Variants in TULP3 observed in about 807,000 individuals in gnomAD.
TULP3 encodes the protein TUB like protein 3, also known as tubby-related protein 3.
Under a neutral mutation model 50.7 loss-of-function variants are expected in TULP3, and 38 were observed. That is an observed-to-expected ratio of 0.75 (90% CI 0.58 to 0.98). The LOEUF is 0.98. TULP3 is among the 50% of genes least tolerant of loss of function. The probability of loss-of-function intolerance (pLI) is 0.00; values close to 1 mark genes in which losing one functional copy is unlikely to be tolerated. For missense variants in TULP3, 550 were observed against 568.0 expected (o/e 0.97, Z 0.32); for synonymous variants, 183 against 196.6 (o/e 0.93, Z 0.58).
Position 2,939,219 on chromosome 12 carries a change from A to C in TULP3, c.1196-92A>C. 1.7e-4 allele frequency: 244 copies of C among 1,436,828 alleles called. No homozygotes were observed. Among genetic ancestry groups the C allele is most frequent in the Non-Finnish European group, 2.0e-4 (214 of 1,046,770 alleles). The allele number at this position is 1,436,828 out of a possible 1,614,324, so 89.0% of individuals were successfully genotyped here. On this transcript the variant is annotated intron_variant, in intron 10 of 10. Coordinates refer to ENST00000448120, the MANE Select transcript of TULP3 (RefSeq NM_003324.5). The surrounding 1 kb of genome is among the most constrained non-coding windows in gnomAD (Gnocchi z 4.0). ...AGGCTCCAGCCAGGGCGACAGAGCA[A>C]AACCCCATCTAAGAAAAGGAAGAAA...
intron 1 of TULP3, among the ~76,000 whole-genome samples, chr12:2,909,198 A>G (rs1308527990): frequency 1.3e-5 from 2 of 152,206 alleles, no homozygotes; most frequent in East Asian, 1.9e-4. Context: ...GAATAATACC[A>G]TGTAAAATGC....
intron 1 of TULP3, among the ~76,000 whole-genome samples, chr12:2,903,305 G>A (rs2098180274): frequency 6.6e-6 from 1 of 151,830 alleles, no homozygotes; most frequent in South Asian, 2.1e-4. Context: ...GCTCATGCCT[G>A]TAATCCCAGC....
At chr12:2,935,947 C>G (rs567534138) in intron 8 of TULP3, among the ~76,000 whole-genome samples, 6 of 151,450 alleles carry the variant, frequency 4.0e-5, no homozygotes, top group Non-Finnish European at 8.8e-5. Context: ...CTAGCCTGGG[C>G]GACAGCATGA....
intron 1 of TULP3, among the ~76,000 whole-genome samples, chr12:2,901,304 C>T (rs1054042958): frequency 7.0e-5 from 7 of 100,452 alleles, no homozygotes; most frequent in African/African-American, 1.7e-4. Flanking sequence ...TTCTTTCTTT[C>T]TTTCTTTCTT....
chr12:2,926,205 T>C (rs1422876696), intron 4 of TULP3, among the ~76,000 whole-genome samples: 1 of 152,004 alleles, frequency 6.6e-6, no homozygotes, highest in Non-Finnish European at 1.5e-5. Flanking sequence ...CTGCTACCAA[T>C]AAAAAGGGGG....
At chr12:2,901,677 C>T (rs2098179403) in intron 1 of TULP3, among the ~76,000 whole-genome samples, 1 of 152,154 alleles carries the variant, frequency 6.6e-6, no homozygotes, top group African/African-American at 2.4e-5. Context: ...GCTACCGTGC[C>T]TGGCTCCAAT....
At chr12:2,903,422 C>T (rs1370776877) in intron 1 of TULP3, among the ~76,000 whole-genome samples, 2 of 151,356 alleles carry the variant, frequency 1.3e-5, no homozygotes, top group Non-Finnish European at 2.9e-5. Flanking sequence ...ATTAGCCAGG[C>T]GTGGTGGTGC....
chr12:2,922,032 G>C (rs1481204566), intron 3 of TULP3, among the ~76,000 whole-genome samples: 4 of 152,158 alleles, frequency 2.6e-5, no homozygotes, highest in African/African-American at 4.8e-5. Context: ...ACAGTGAGCT[G>C]TGATTACACC....
intron 8 of TULP3, among the ~76,000 whole-genome samples, chr12:2,935,511 T>TA (rs1318578923): frequency 3.3e-5 from 5 of 152,180 alleles, no homozygotes; most frequent in African/African-American, 1.2e-4. Flanking sequence ...AGTTGTTGAG[T>TA]AAGAGAAAGC....
intron 7 of TULP3, among the ~76,000 whole-genome samples, 161 bp downstream of exon 7, chr12:2,933,691 C>T (rs2098199552): frequency 6.6e-6 from 1 of 152,116 alleles, no homozygotes; most frequent in African/African-American, 2.4e-5. Flanking sequence ...TGGCTCACAC[C>T]TGTAATCCCA....
chr12:2,905,723 G>A (rs1274977326), intron 1 of TULP3, among the ~76,000 whole-genome samples: 1 of 151,996 alleles, frequency 6.6e-6, no homozygotes. Flanking sequence ...AATAAGTGGT[G>A]TCTAGATGTA....
chr12:2,896,306 T>C (rs1489640917), intron 1 of TULP3, among the ~76,000 whole-genome samples: 1 of 152,216 alleles, frequency 6.6e-6, no homozygotes, highest in Non-Finnish European at 1.5e-5. Flanking sequence ...CTAAATGTCG[T>C]TATTCAGGGC....
chr12:2,890,992 A>G lies in TULP3; in HGVS notation c.41+4A>G, dbSNP rs765674536. 6.3e-7 allele frequency: 1 copy of G among 1,588,262 alleles called. No individual in the cohort carries two copies. Among genetic ancestry groups the G allele is most frequent in the East Asian group, 2.3e-5 (1 of 43,088 alleles). On this transcript the variant is annotated splice_donor_region_variant and intron_variant, in intron 1 of 10. Transcript: ENST00000448120. Reference sequence around the variant, plus strand: ...GGCTCAGTCCCAGCGGCGACAGGTCAGACAGGGCCGTGGCAGGTCTCCTCC... The same window carrying G: ...GGCTCAGTCCCAGCGGCGACAGGTCGGACAGGGCCGTGGCAGGTCTCCTCC...
In TULP3 at chr12:2,897,626, C is replaced by T. The variant is rs1603503804; in HGVS notation, c.41+6638C>T. Among the ~76,000 whole-genome samples the T allele has an allele frequency of 2.6e-5, 4 of 151,372 alleles. No homozygotes were observed. In the South Asian group the frequency reaches 6.3e-4, roughly 24 times the overall value. On this transcript the variant is annotated intron_variant, in intron 1 of 10. Coordinates refer to ENST00000448120, the MANE Select transcript of TULP3 (RefSeq NM_003324.5). The stretch of plus-strand genomic sequence containing the variant: ...TGTCTGTCTGTTGGTCTGTCATGTT[C>T]GTTTGTTCTCTCTCTCAAGACATAG...
At position 2,940,318 on chromosome 12, in the gene TULP3, AG is replaced by A; in HGVS notation, c.*875del. 1 of 1,394,932 alleles carries A rather than the reference AG, an allele frequency of 7.2e-7. No individual in the cohort carries two copies. Among genetic ancestry groups the A allele is most frequent in the South Asian group, 1.5e-5 (1 of 68,710 alleles). The allele number at this position is 1,394,932 out of a possible 1,614,324, so 86.4% of individuals were successfully genotyped here. A position where few individuals can be genotyped will look rare whatever the true frequency, so the allele number is the denominator to read the frequency against. On this transcript the variant is annotated 3_prime_UTR_variant, in exon 11 of 11. Coordinates refer to ENST00000448120, the MANE Select transcript of TULP3 (RefSeq NM_003324.5). ...GATGGCAGTATTGACCATTTAGTTT[AG>A]TTAAAAAAAAAAAAAAAAAGGTGGC...
At chr12:2,901,308 C>T (rs371296955) in intron 1 of TULP3, among the ~76,000 whole-genome samples, 6 of 99,406 alleles carry the variant, frequency 6.0e-5, no homozygotes, top group African/African-American at 1.2e-4. Context: ...TTCTTTCTTT[C>T]TTTCTTTTTT....
At chr12:2,913,463 A>T (rs2153949080) in intron 2 of TULP3, among the ~76,000 whole-genome samples, 1 of 151,788 alleles carries the variant, frequency 6.6e-6, no homozygotes, top group African/African-American at 2.4e-5. Context: ...GGGATCTTGC[A>T]GTGTTGCCCA....
chr12:2,900,122 C>G (rs1156823032), intron 1 of TULP3, among the ~76,000 whole-genome samples: 4 of 151,880 alleles, frequency 2.6e-5, no homozygotes, highest in African/African-American at 7.3e-5. Context: ...ACAGGGGAGG[C>G]TGAGGCAGGA....
intron 4 of TULP3, among the ~76,000 whole-genome samples, chr12:2,925,815 G>C (rs996586961): frequency 2.0e-5 from 3 of 152,190 alleles, no homozygotes; most frequent in African/African-American, 7.2e-5. Flanking sequence ...TAGATTTTCT[G>C]ATTCTTAGTC....
Sources: gnomAD v4.1 joint callset for allele counts (sites outside exome capture counted in the v4.1 genomes callset) on GRCh38, gnomAD v4.1.1 for gene constraint, Gnocchi (gnomAD v3.1) non-coding constraint, MANE v1.5 for transcripts, NCBI Gene and HGNC (gene_info 2026-07-23, HGNC 2026-07-21) for gene names.